Variants in FMO5 observed in about 807,000 individuals in gnomAD.
The protein encoded by FMO5 is flavin-containing monooxygenase 5.
In FMO5, 51 loss-of-function variants were observed where a neutral mutation model predicts 43.6. The observed-to-expected ratio is 1.17, with a 90% CI of 0.93 to 1.48. The LOEUF (loss-of-function observed/expected upper bound fraction) is 1.48. Among genes scored for constraint, FMO5 ranks in the 40% most tolerant of loss-of-function variants. FMO5 has a pLI of 0.00. For missense variants in FMO5, 644 were observed against 643.0 expected (o/e 1.00, Z -0.02); for synonymous variants, 187 against 216.5 (o/e 0.86, Z 1.20).
intron 6 of FMO5, among the ~76,000 whole-genome samples, chr1:147,205,843 G>A (rs1553922166): frequency 6.6e-6 from 1 of 152,060 alleles, no homozygotes; most frequent in Non-Finnish European, 1.5e-5. Context: ...TACCATTCAG[G>A]ACATAGGCAT....
intron 5 of FMO5, chr1:147,211,466 T>C (rs782599650): frequency 1.3e-5 from 2 of 152,210 alleles, no homozygotes; most frequent in Admixed American, 6.5e-5. Context: ...TAGATGAGGA[T>C]AGCAATGAGA....
upstream of FMO5, chr1:147,225,370 C>T: frequency 4.1e-6 from 1 of 243,008 alleles, no homozygotes; most frequent in Non-Finnish European, 8.1e-6. Context: ...TTACTATAAA[C>T]CAACAACGGA....
intron 2 of FMO5, among the ~76,000 whole-genome samples, chr1:147,220,664 G>T (rs1662846864): frequency 6.6e-6 from 1 of 152,110 alleles, no homozygotes; most frequent in Non-Finnish European, 1.5e-5. Flanking sequence ...TATAGTTTTA[G>T]ATTTTACATT....
At chr1:147,217,362 A>G (rs782215273) in intron 2 of FMO5, among the ~76,000 whole-genome samples, 4 of 152,206 alleles carry the variant, frequency 2.6e-5, no homozygotes, top group Non-Finnish European at 4.4e-5. Flanking sequence ...AGATTTCACA[A>G]ATGAGGAGTT....
In FMO5 at chr1:147,222,659, A is replaced by T. The variant is rs1231790142; in HGVS notation, c.135+2236T>A. Among the ~76,000 whole-genome samples, 4 of 152,250 alleles carry T rather than the reference A, an allele frequency of 2.6e-5. No individual in the cohort carries two copies. In the South Asian group the frequency reaches 6.2e-4, roughly 24 times the overall value. On this transcript the variant is annotated intron_variant, in intron 2 of 8. Transcript: ENST00000254090. ...CCACACAGGTGTGGTCTGTTGGAACAGAAGTCAGAGCGTTATGATGAAACA... is the reference window on the plus strand; with the variant it reads ...CCACACAGGTGTGGTCTGTTGGAACTGAAGTCAGAGCGTTATGATGAAACA...
chr1:147,189,936 CT>C (rs1257263772), intron 8 of FMO5, among the ~76,000 whole-genome samples: 5 of 152,188 alleles, frequency 3.3e-5, no homozygotes, highest in South Asian at 2.1e-4. Context: ...TCCTATGTGA[CT>C]TTTTTTAGGC....
chr1:147,186,776 C>T lies in FMO5; in HGVS notation c.*124G>A. The T allele has an allele frequency of 6.8e-7, 1 of 1,472,296 alleles. No individual in the cohort carries two copies. The highest frequency in any genetic ancestry group is 1.5e-5 in the South Asian group (1 of 68,916). 91.2% of individuals were successfully genotyped at this position (1,472,296 alleles called of 1,614,324 possible). ...TAGGAAAAAGGAAAGTGAATTAATG[C>T]TTTCGAAAGAGACATTAAAGTAGAT... On this transcript the variant is annotated 3_prime_UTR_variant, in exon 9 of 9. Transcript: ENST00000254090.
intron 7 of FMO5, among the ~76,000 whole-genome samples, chr1:147,192,419 A>G (rs1657050116): frequency 6.6e-6 from 1 of 152,052 alleles, no homozygotes; most frequent in Non-Finnish European, 1.5e-5. Flanking sequence ...GGGCTGAGAC[A>G]ATGGGGTTTT....
chr1:147,224,762 G>A, intron 2 of FMO5, 133 bp downstream of exon 2: 2 of 760,290 alleles, frequency 2.6e-6, no homozygotes, highest in South Asian at 1.7e-5. Flanking sequence ...CGCCCGCCTC[G>A]GCCTCCCAAA....
chr1:147,216,912 T>C (rs1662082659), intron 2 of FMO5, among the ~76,000 whole-genome samples: 1 of 152,334 alleles, frequency 6.6e-6, no homozygotes, highest in South Asian at 2.1e-4. Context: ...TTCAGTGTTC[T>C]TTCCCCTACA....
At chr1:147,225,359 A>T, upstream of FMO5, 1 of 302,262 alleles carries the variant, frequency 3.3e-6, no homozygotes, top group Non-Finnish European at 6.2e-6. Context: ...CTGTTGTCAA[A>T]TTACTATAAA....
chr1:147,187,482 G>A (rs782295381), intron 8 of FMO5, among the ~76,000 whole-genome samples: 6 of 152,136 alleles, frequency 3.9e-5, no homozygotes, highest in Non-Finnish European at 8.8e-5. Context: ...AAATAGAAAT[G>A]TGGAGAGGGG....
intron 6 of FMO5, among the ~76,000 whole-genome samples, chr1:147,207,372 T>C (rs922254310): frequency 6.6e-6 from 1 of 152,222 alleles, no homozygotes; most frequent in Admixed American, 6.5e-5. Context: ...GCAACTTTTC[T>C]GTAGATCTGA....
intron 6 of FMO5, chr1:147,203,390 C>A (rs1352519149): frequency 2.9e-6 from 3 of 1,029,264 alleles, no homozygotes; most frequent in East Asian, 2.4e-5. Flanking sequence ...GCATTAGCAG[C>A]GAGTTTGATA....
At chr1:147,189,605 G>T (rs1481043060) in intron 8 of FMO5, among the ~76,000 whole-genome samples, 4 of 152,120 alleles carry the variant, frequency 2.6e-5, no homozygotes, top group African/African-American at 9.7e-5. Context: ...CCCAGCGATT[G>T]AGCTTAAGTT....
At chr1:147,218,377 A>T (rs1325583265) in intron 2 of FMO5, among the ~76,000 whole-genome samples, 2 of 151,878 alleles carry the variant, frequency 1.3e-5, no homozygotes, top group African/African-American at 4.8e-5. Context: ...CTGGGCCTAC[A>T]GGCACGCGCC....
At chr1:147,188,867 A>G (rs12401360) in intron 8 of FMO5, among the ~76,000 whole-genome samples, 29,861 of 152,090 alleles carry the variant, frequency 0.2, 3,688 homozygotes, top group Non-Finnish European at 0.27. Context: ...GAAAGTTAAA[A>G]TAAGATACTT....
intron 7 of FMO5, among the ~76,000 whole-genome samples, chr1:147,199,676 T>A (rs1658647385): frequency 6.6e-6 from 1 of 152,216 alleles, no homozygotes; most frequent in African/African-American, 2.4e-5. Flanking sequence ...AAGATCACTT[T>A]AATATGACTA....
rs782471177 is a variant in FMO5 at position 147,187,021 on chromosome 1, C to T, written c.1481G>A (p.Arg494His). 23 of 1,613,580 alleles carry T rather than the reference C, an allele frequency of 1.4e-5. 1 individual carries two copies. In the East Asian group the frequency reaches 2.0e-4, roughly 14 times the overall value. ...ARKAILTTDDRIRKPLMTRVV... is the reference protein window; with the variant it reads ...ARKAILTTDDHIRKPLMTRVV... ...TCTTGTCATCAGAGGCTTCCTGATG[C>T]GATCATCTGTGGTGAGGATAGCTTT... The change falls in exon 9 of 9, where the codon CGC (arginine) becomes CAC (histidine). Residue 494 changes from arginine (R) to histidine (H), a missense_variant. Transcript: ENST00000254090.
Sources: allele counts gnomAD v4.1 joint callset (sites outside exome capture counted in the v4.1 genomes callset), GRCh38; gene constraint gnomAD v4.1.1; transcripts MANE v1.5; gene names NCBI Gene and HGNC (gene_info 2026-07-23, HGNC 2026-07-21).